Variants in MAMDC2 observed in about 807,000 individuals in gnomAD.
MAMDC2 encodes the protein MAM domain containing 2.
A neutral mutation model predicts 89.8 loss-of-function variants in MAMDC2; 57 were observed. The ratio of observed to expected loss-of-function variants is 0.63; its 90% CI spans 0.51 to 0.79. The LOEUF (loss-of-function observed/expected upper bound fraction) is 0.79. Among genes scored for constraint, MAMDC2 ranks in the 30% least tolerant of loss-of-function variants. The pLI, the probability that MAMDC2 is intolerant of heterozygous loss-of-function variation, is 0.00. For missense variants in MAMDC2, 800 were observed against 820.6 expected (o/e 0.97, Z 0.31); for synonymous variants, 313 against 293.4 (o/e 1.07, Z -0.68).
intron 2 of MAMDC2, chr9:70,093,925 C>A (rs1180496576): frequency 6.6e-6 from 1 of 152,138 alleles, no homozygotes; most frequent in Non-Finnish European, 1.5e-5. Context: ...TATTATGTGA[C>A]CTTTCATTGT....
At chr9:70,216,486 A>G (rs1287850874) in intron 11 of MAMDC2, 1 of 152,164 alleles carries the variant, frequency 6.6e-6, no homozygotes. Context: ...TGTCATCAGG[A>G]GGGCTTCAGC....
chr9:70,081,567 A>G (rs1827654902), intron 2 of MAMDC2: 1 of 152,096 alleles, frequency 6.6e-6, no homozygotes, highest in African/African-American at 2.4e-5. Context: ...GTGTGTACAT[A>G]CCACACATTT....
chr9:70,130,045 T>TGTGTGA (rs1554673785), intron 6 of MAMDC2, among the ~76,000 whole-genome samples: 7 of 147,408 alleles, frequency 4.7e-5, no homozygotes, highest in African/African-American at 1.5e-4. Flanking sequence ...TGTGTGTGTG[T>TGTGTGA]GAGAGTGTCT....
At chr9:70,132,211 A>G (rs2030837299) in intron 7 of MAMDC2, among the ~76,000 whole-genome samples, 1 of 152,208 alleles carries the variant, frequency 6.6e-6, no homozygotes, top group Non-Finnish European at 1.5e-5. Flanking sequence ...TGAGAGGATT[A>G]TTTTTACTCT....
chr9:70,138,542 C>A (rs1342060965), intron 7 of MAMDC2, among the ~76,000 whole-genome samples: 7 of 152,154 alleles, frequency 4.6e-5, no homozygotes, highest in African/African-American at 1.7e-4. Context: ...TAAGAGTTCC[C>A]TTTTCTCCAC....
intron 9 of MAMDC2, among the ~76,000 whole-genome samples, chr9:70,161,259 GTATTCT>G (rs1233269575): frequency 1.3e-5 from 2 of 152,198 alleles, no homozygotes; most frequent in Non-Finnish European, 2.9e-5. Context: ...CTACAGGCCT[GTATTCT>G]ATCACAGTGT....
intron 12 of MAMDC2, 107 bp from the exon 13 acceptor site, chr9:70,225,643 C>G: frequency 1.6e-6 from 1 of 623,062 alleles, no homozygotes; most frequent in East Asian, 2.8e-5. Context: ...TTAAAGGGAT[C>G]CTCAAGAGCA....
chr9:70,112,394 A>G (rs982609287), intron 4 of MAMDC2, among the ~76,000 whole-genome samples: 5 of 152,076 alleles, frequency 3.3e-5, no homozygotes, highest in African/African-American at 9.7e-5. Context: ...TATCTGCCCC[A>G]CCTATTTTAC....
chr9:70,068,381 T>C (rs1349458147), intron 2 of MAMDC2, among the ~76,000 whole-genome samples: 1 of 151,904 alleles, frequency 6.6e-6, no homozygotes, highest in East Asian at 1.9e-4. Flanking sequence ...CTGGATAGGA[T>C]TCAATGACAG....
chr9:70,044,495 C>G (rs888548685), intron 1 of MAMDC2, 89 bp from the exon 2 acceptor site: 1 of 1,088,826 alleles, frequency 9.2e-7, no homozygotes, highest in Non-Finnish European at 1.3e-6. Context: ...CTTTCCCCCA[C>G]TTTCACCAGG....
At chr9:70,182,400 C>A (rs1293872172) in intron 11 of MAMDC2, among the ~76,000 whole-genome samples, 1 of 151,848 alleles carries the variant, frequency 6.6e-6, no homozygotes, top group East Asian at 1.9e-4. Context: ...CTCTCTTTTT[C>A]TATTGCTTGG....
intron 2 of MAMDC2, among the ~76,000 whole-genome samples, chr9:70,105,593 C>A (rs527820676): frequency 6.6e-6 from 1 of 152,200 alleles, no homozygotes; most frequent in African/African-American, 2.4e-5. Flanking sequence ...ATGCAAAATT[C>A]CAATATTTTA....
At chr9:70,201,949 T>C (rs1490992796) in intron 11 of MAMDC2, among the ~76,000 whole-genome samples, 2 of 149,358 alleles carry the variant, frequency 1.3e-5, no homozygotes, top group Non-Finnish European at 1.5e-5. Context: ...TCTCTTTTTT[T>C]CTTTATTAGT....
At chr9:70,213,697 T>C (rs527628927) in intron 11 of MAMDC2, among the ~76,000 whole-genome samples, 1 of 152,228 alleles carries the variant, frequency 6.6e-6, no homozygotes, top group South Asian at 2.1e-4. Flanking sequence ...CAAAACCCCC[T>C]GTGCTTCTTG....
intron 2 of MAMDC2, among the ~76,000 whole-genome samples, chr9:70,105,614 C>T (rs543102068): frequency 6.6e-6 from 1 of 152,292 alleles, no homozygotes; most frequent in East Asian, 1.9e-4. Context: ...AAATAACCCA[C>T]ATTTATGGCT....
chr9:70,098,418 C>T (rs949586570), intron 2 of MAMDC2, among the ~76,000 whole-genome samples: 2 of 152,164 alleles, frequency 1.3e-5, no homozygotes, highest in African/African-American at 4.8e-5. Flanking sequence ...CATAGATTTG[C>T]TAACATCCTT....
At chr9:70,057,800 C>T (rs1827057568) in intron 2 of MAMDC2, among the ~76,000 whole-genome samples, 1 of 152,156 alleles carries the variant, frequency 6.6e-6, no homozygotes, top group South Asian at 2.1e-4. Context: ...TCCTTGGAGA[C>T]GTTGACAAAG....
chr9:70,099,703 G>A (rs771453661), intron 2 of MAMDC2, among the ~76,000 whole-genome samples: 6 of 152,242 alleles, frequency 3.9e-5, no homozygotes, highest in South Asian at 2.1e-4. Flanking sequence ...GGCCAGGCGC[G>A]GTGGTTCACG....
chr9:70,171,979 A>G (rs2032365589), intron 11 of MAMDC2: 2 of 152,246 alleles, frequency 1.3e-5, no homozygotes, highest in South Asian at 4.1e-4. Context: ...AGCCTATGGA[A>G]TAATTACCAC....
Sources: gnomAD v4.1 joint callset for allele counts (sites outside exome capture counted in the v4.1 genomes callset) on GRCh38, gnomAD v4.1.1 for gene constraint, MANE v1.5 for transcripts, NCBI Gene and HGNC (gene_info 2026-07-23, HGNC 2026-07-21) for gene names.